The following SCUBE1 variants were observed in gnomAD, a reference collection of about 807,000 sequenced individuals.
SCUBE1 encodes signal peptide, CUB domain and EGF like domain containing 1.
In SCUBE1, 59 loss-of-function variants were observed where a neutral mutation model predicts 124.4. The ratio of observed to expected loss-of-function variants is 0.47; its 90% confidence interval spans 0.38 to 0.59. SCUBE1 has a LOEUF of 0.59. Ranked by LOEUF, SCUBE1 falls within the 20% of genes least tolerant of loss-of-function variation. The pLI, the probability that SCUBE1 is intolerant of heterozygous loss-of-function variation, is 0.00. For missense variants in SCUBE1, 1,150 were observed against 1,371.2 expected, an observed-to-expected ratio of 0.84 and a Z score of 2.55; for synonymous variants, 545 against 550.9, an observed-to-expected ratio of 0.99 and a Z score of 0.15.
intron 3 of SCUBE1, among the ~76,000 whole-genome samples, chr22:43,301,367 C>T (rs145210110): frequency 6.6e-6 from 1 of 152,302 alleles, no homozygotes; most frequent in Non-Finnish European, 1.5e-5. Context: ...ACCAAGCCCA[C>T]AGGAACTGCT....
At chr22:43,334,090 G>A (rs571103941) in intron 2 of SCUBE1, among the ~76,000 whole-genome samples, 1 of 152,304 alleles carries the variant, frequency 6.6e-6, no homozygotes, top group South Asian at 2.1e-4. Context: ...CCCAGCCTTG[G>A]CAGAACCCTA....
chr22:43,204,778 C>T (rs1303516421), intron 21 of SCUBE1, among the ~76,000 whole-genome samples: 8 of 151,756 alleles, frequency 5.3e-5, no homozygotes, highest in Non-Finnish European at 1.2e-4. Flanking sequence ...AACCCCATCT[C>T]TACTAAAAAT....
At position 43,211,144 on chromosome 22, in the gene SCUBE1, G is replaced by A; in HGVS notation, c.2222-61C>T. 2.7e-6 allele frequency: 4 copies of A among 1,508,764 alleles called. No individual in the cohort carries two copies. Among genetic ancestry groups the A allele is most frequent in the Non-Finnish European group, 3.6e-6 (4 of 1,107,218 alleles). 93.5% of individuals were successfully genotyped at this position (1,508,764 alleles called of 1,614,324 possible). A position where few individuals can be genotyped will look rare whatever the true frequency, so the allele number is the denominator to read the frequency against. ...AGGGGTGCAGGGAAAGGGCAGCACT[G>A]GGGTGCTGTCCCCAGGACCTCTCAT... On this transcript the variant is annotated intron_variant, in intron 17 of 21. Coordinates refer to ENST00000360835, the MANE Select transcript of SCUBE1 (RefSeq NM_173050.5). The surrounding 1 kb of genome is among the most constrained non-coding windows in gnomAD (Gnocchi z 4.5).
Position 43,204,060 on chromosome 22 carries a change from G to A in SCUBE1, c.2904C>T (p.Phe968=). The change falls in exon 22 of 22, where the codon TTC becomes TTT. Residue 968 remains phenylalanine, a synonymous_variant. Coordinates refer to ENST00000360835, the MANE Select transcript of SCUBE1 (RefSeq NM_173050.5). ...GCAGCAGTTTGATGAAGGACCGTGGGAACATCTCCTTGGATTCCTGGGCTG... is the reference window on the plus strand; with the variant it reads ...GCAGCAGTTTGATGAAGGACCGTGGAAACATCTCCTTGGATTCCTGGGCTG... ...KYTAQESKEM[F]PRSFIKLLRS... 1 of 1,614,154 alleles carries A rather than the reference G, an allele frequency of 6.2e-7. No homozygotes were observed. Among genetic ancestry groups the A allele is most frequent in the Non-Finnish European group, 8.5e-7 (1 of 1,180,012 alleles).
At chr22:43,308,238 G>A (rs1926045447) in intron 3 of SCUBE1, among the ~76,000 whole-genome samples, 1 of 152,216 alleles carries the variant, frequency 6.6e-6, no homozygotes, top group Non-Finnish European at 1.5e-5. Context: ...AGGCGGAGAG[G>A]AGAGGCGGGC....
chr22:43,256,804 A>G (rs1244738538), intron 6 of SCUBE1, among the ~76,000 whole-genome samples: 1 of 152,154 alleles, frequency 6.6e-6, no homozygotes, highest in African/African-American at 2.4e-5. Flanking sequence ...GGCCCGGGAG[A>G]GCCCCAGGCC....
chr22:43,245,157 G>C (rs549440129), intron 6 of SCUBE1, among the ~76,000 whole-genome samples: 2 of 152,358 alleles, frequency 1.3e-5, no homozygotes, highest in Admixed American at 1.3e-4. Flanking sequence ...TCTGAACTCC[G>C]GGGAGGCCCT....
At chr22:43,327,971 C>G (rs1214754000) in intron 2 of SCUBE1, among the ~76,000 whole-genome samples, 1 of 152,180 alleles carries the variant, frequency 6.6e-6, no homozygotes, top group Non-Finnish European at 1.5e-5. Flanking sequence ...TGTCGGTCTT[C>G]TTCTCCTCTG....
chr22:43,206,951 TCAG>T (rs1213368752), intron 21 of SCUBE1, among the ~76,000 whole-genome samples: 1 of 152,148 alleles, frequency 6.6e-6, no homozygotes, highest in African/African-American at 2.4e-5. Flanking sequence ...CATCCTTTTC[TCAG>T]AAGAAGTGAC....
At position 43,210,383 on chromosome 22, in the gene SCUBE1, C is replaced by G; in HGVS notation, c.2384-143G>C. On this transcript the variant is annotated intron_variant, in intron 18 of 21. Coordinates refer to ENST00000360835, the MANE Select transcript of SCUBE1 (RefSeq NM_173050.5). The surrounding 1 kb of genome is among the most constrained non-coding windows in gnomAD (Gnocchi z 4.5). Reference sequence around the variant, plus strand: ...CCCACACTAGCCCTCGGACCCTGAGCCCATCCTCCTTGGGGACCCTGCCTG... The same window carrying G: ...CCCACACTAGCCCTCGGACCCTGAGGCCATCCTCCTTGGGGACCCTGCCTG... The G allele has an allele frequency of 3.0e-6, 2 of 676,162 alleles. No individual in the cohort carries two copies. The highest frequency in any genetic ancestry group is 3.5e-5 in the Admixed American group (1 of 28,238). 41.9% of individuals were successfully genotyped at this position (676,162 alleles called of 1,614,324 possible).
At chr22:43,325,441 C>CT (rs951809917) in intron 2 of SCUBE1, among the ~76,000 whole-genome samples, 4 of 54,792 alleles carry the variant, frequency 7.3e-5, no homozygotes, top group African/African-American at 1.0e-4. Context: ...AAAACTCCGT[C>CT]TTTAAAAAAA....
Position 43,343,273 on chromosome 22 carries a change from G to T in SCUBE1, c.-12C>A, listed in dbSNP as rs770475412. 20 of 1,114,656 alleles carry T rather than the reference G, an allele frequency of 1.8e-5. No homozygotes were observed. The African/African-American group carries it at 2.7e-4, about 15-fold the overall frequency. The allele number at this position is 1,114,656 out of a possible 1,614,324, so 69.0% of individuals were successfully genotyped here. A position where few individuals can be genotyped will look rare whatever the true frequency, so the allele number is the denominator to read the frequency against. ...GCCGCCGCGCCCATGCTCAATGCGG[G>T]CCCCGCTGGGCGTGCGGGCGTGCGG... On this transcript the variant is annotated 5_prime_UTR_variant, in exon 1 of 22. Transcript: ENST00000360835.
At chr22:43,288,060 CTG>C (rs1289560466) in intron 4 of SCUBE1, among the ~76,000 whole-genome samples, 2 of 152,222 alleles carry the variant, frequency 1.3e-5, no homozygotes, top group Admixed American at 1.3e-4. Context: ...GATAAGTTAT[CTG>C]TTGTTTTTTG....
At chr22:43,226,431 G>GT (rs950117711) in intron 10 of SCUBE1, among the ~76,000 whole-genome samples, 4 of 152,200 alleles carry the variant, frequency 2.6e-5, no homozygotes, top group Non-Finnish European at 5.9e-5. Context: ...TGGTGTGGGG[G>GT]GGCCCTCCAG....
At chr22:43,244,948 C>T (rs556130698) in intron 6 of SCUBE1, among the ~76,000 whole-genome samples, 1 of 152,404 alleles carries the variant, frequency 6.6e-6, no homozygotes, top group South Asian at 2.1e-4. Flanking sequence ...CTAGAATCAA[C>T]AGAAGCTGCG....
chr22:43,284,856 G>A (rs1053272462), intron 4 of SCUBE1, among the ~76,000 whole-genome samples: 5 of 152,106 alleles, frequency 3.3e-5, no homozygotes, highest in African/African-American at 1.2e-4. Context: ...CCCCACCTCT[G>A]ACCCTGGCTG....
chr22:43,205,144 C>T (rs1921169531), intron 21 of SCUBE1, among the ~76,000 whole-genome samples: 1 of 152,110 alleles, frequency 6.6e-6, no homozygotes, highest in Non-Finnish European at 1.5e-5. Flanking sequence ...TTCTTCCCTG[C>T]ACAGAGAGGT....
At chr22:43,249,304 CGGGGTGGAGGGGAGCT>C (rs1310624450) in intron 6 of SCUBE1, among the ~76,000 whole-genome samples, 2 of 49,444 alleles carry the variant, frequency 4.0e-5, no homozygotes, top group East Asian at 4.5e-4. Flanking sequence ...GAGGTACGGG[CGGGGTGGAGGGGAGCT>C]GGGGTGGACG....
chr22:43,230,345 C>G (rs759901930), intron 8 of SCUBE1, among the ~76,000 whole-genome samples: 2 of 152,072 alleles, frequency 1.3e-5, no homozygotes, highest in Non-Finnish European at 2.9e-5. Flanking sequence ...TGTCTGGGGT[C>G]CCCTGAGTGC....
Sources: gnomAD v4.1 joint callset for allele counts (sites outside exome capture counted in the v4.1 genomes callset) on GRCh38, gnomAD v4.1.1 for gene constraint, Gnocchi (gnomAD v3.1) non-coding constraint, MANE v1.5 for transcripts, NCBI Gene and HGNC (gene_info 2026-07-23, HGNC 2026-07-21) for gene names.